NECTIN3: variants seen among roughly 807,000 people sequenced by gnomAD.
NECTIN3 encodes the protein nectin cell adhesion molecule 3, also known as nectin-3.
In NECTIN3, 8 loss-of-function variants were observed where a neutral mutation model predicts 49.4. The observed-to-expected ratio is 0.16, with a 90% CI of 0.10 to 0.29. The LOEUF is 0.29. Among genes scored for constraint, NECTIN3 ranks in the 10% least tolerant of loss-of-function variants. The probability of loss-of-function intolerance (pLI) is 1.00; values close to 1 mark genes in which losing one functional copy is unlikely to be tolerated. For missense variants in NECTIN3, 581 were observed against 654.6 expected (o/e 0.89, Z 1.23); for synonymous variants, 277 against 241.1 (o/e 1.15, Z -1.38).
chr3:111,186,410 C>A (rs1231751754), intron 7 of NECTIN3, among the ~76,000 whole-genome samples: 1 of 152,090 alleles, frequency 6.6e-6, no homozygotes, highest in Non-Finnish European at 1.5e-5. Flanking sequence ...AGCTGTACAG[C>A]TAACATCATC....
At chr3:111,122,812 G>C (rs192883041) in intron 4 of NECTIN3, among the ~76,000 whole-genome samples, 2 of 151,950 alleles carry the variant, frequency 1.3e-5, no homozygotes, top group African/African-American at 4.8e-5. Flanking sequence ...ATTTCAAACT[G>C]TTATACCAAG....
chr3:111,165,560 C>G (rs2035303224), intron 7 of NECTIN3, among the ~76,000 whole-genome samples: 1 of 152,188 alleles, frequency 6.6e-6, no homozygotes, highest in Non-Finnish European at 1.5e-5. Context: ...CTGCCCCATA[C>G]TGCCGGAGTA....
intron 6 of NECTIN3, among the ~76,000 whole-genome samples, chr3:111,145,407 T>A (rs2034849434): frequency 6.6e-6 from 1 of 152,318 alleles, no homozygotes; most frequent in East Asian, 1.9e-4. Context: ...CTTCTTCATA[T>A]TGTATATGCA....
Position 111,136,650 on chromosome 3 carries a change from G to GTC in NECTIN3, c.*2436_*2437insCT. The GTC allele has an allele frequency of 2.2e-6, 2 of 906,442 alleles. No homozygotes were observed. The highest frequency in any genetic ancestry group is 2.6e-6 in the Non-Finnish European group (2 of 758,624). 56.1% of individuals were successfully genotyped at this position (906,442 alleles called of 1,614,324 possible). A position where few individuals can be genotyped will look rare whatever the true frequency, so the allele number is the denominator to read the frequency against. On this transcript the variant is annotated 3_prime_UTR_variant, in exon 6 of 6. Transcript: ENST00000485303. ...AGTGATATTCATAACTACTTGACAG[G>GTC]TATATATGAAAATTCTACTATCGTG...
At chr3:111,165,193 G>A (rs915414528) in intron 7 of NECTIN3, among the ~76,000 whole-genome samples, 8 of 151,950 alleles carry the variant, frequency 5.3e-5, no homozygotes, top group Middle Eastern at 3.4e-3. Flanking sequence ...ACAGGTGCCC[G>A]CCACCATGCC....
chr3:111,100,820 ATTG>A (rs1479403947), intron 1 of NECTIN3, among the ~76,000 whole-genome samples: 4 of 151,994 alleles, frequency 2.6e-5, no homozygotes, highest in African/African-American at 9.7e-5. Context: ...AATCTGAATA[ATTG>A]TTATGAAAAC....
intron 4 of NECTIN3, 45 bp downstream of exon 4, chr3:111,122,283 C>G: frequency 7.3e-7 from 1 of 1,375,174 alleles, no homozygotes; most frequent in Non-Finnish European, 1.0e-6. Flanking sequence ...AAAGTGAAAC[C>G]TTCTTAAATC....
At chr3:111,139,146 G>C (rs1453157864), downstream of NECTIN3, among the ~76,000 whole-genome samples, 1 of 151,468 alleles carries the variant, frequency 6.6e-6, no homozygotes, top group East Asian at 1.9e-4. Context: ...TCAGTATATA[G>C]CTTTGAAAAA....
At position 111,071,883 on chromosome 3, in the gene NECTIN3, G is replaced by A. The variant is rs2030753632; in HGVS notation, c.-135G>A. ...GCCAGCGTTCGGCCAAGTGTCAGCCGGCAGCGACGGCGCTAGAGCTGGGAG... is the reference window on the plus strand; with the variant it reads ...GCCAGCGTTCGGCCAAGTGTCAGCCAGCAGCGACGGCGCTAGAGCTGGGAG... On this transcript the variant is annotated 5_prime_UTR_variant, in exon 1 of 6. Transcript: ENST00000485303. 2 of 508,196 alleles carry A rather than the reference G, an allele frequency of 3.9e-6. No homozygotes were observed. The highest frequency in any genetic ancestry group is 2.0e-5 in the African/African-American group (1 of 49,642). 31.5% of individuals were successfully genotyped at this position (508,196 alleles called of 1,614,324 possible).
At chr3:111,153,240 GC>G (rs1438667046) in intron 7 of NECTIN3, among the ~76,000 whole-genome samples, 1 of 151,868 alleles carries the variant, frequency 6.6e-6, no homozygotes, top group Non-Finnish European at 1.5e-5. Flanking sequence ...GAATTGTGGG[GC>G]TTTATTCTGC....
chr3:111,128,976 A>G (rs1234655237), intron 5 of NECTIN3, among the ~76,000 whole-genome samples: 2 of 152,202 alleles, frequency 1.3e-5, no homozygotes, highest in African/African-American at 2.4e-5. Context: ...CCAAATCCTT[A>G]CAATGACTTA....
At chr3:111,186,642 T>C (rs2035725177) in intron 7 of NECTIN3, among the ~76,000 whole-genome samples, 1 of 152,142 alleles carries the variant, frequency 6.6e-6, no homozygotes, top group Non-Finnish European at 1.5e-5. Flanking sequence ...AATTAACCTA[T>C]GTAACAAACC....
At chr3:111,168,494 A>C (rs747097040) in intron 7 of NECTIN3, among the ~76,000 whole-genome samples, 9 of 152,180 alleles carry the variant, frequency 5.9e-5, no homozygotes, top group Non-Finnish European at 1.0e-4. Flanking sequence ...ACACATATAT[A>C]TATAAATGTT....
chr3:111,123,012 G>A (rs6437948), intron 4 of NECTIN3, among the ~76,000 whole-genome samples: 107,128 of 151,376 alleles, frequency 0.71, 43,522 homozygotes, highest in Non-Finnish European at 0.93. Context: ...ATTCTTCCTA[G>A]AAGATTTTCT....
intron 4 of NECTIN3, among the ~76,000 whole-genome samples, chr3:111,123,956 A>T (rs2034058068): frequency 6.6e-6 from 1 of 152,082 alleles, no homozygotes; most frequent in South Asian, 2.1e-4. Flanking sequence ...GTGTGTTGAA[A>T]CATCTTGTCT....
chr3:111,112,003 A>C (rs2033488517), intron 1 of NECTIN3, 27 bp from the exon 2 acceptor site: 3 of 1,527,468 alleles, frequency 2.0e-6, no homozygotes, highest in Non-Finnish European at 1.8e-6. Flanking sequence ...TATTTTAAAA[A>C]TTGTAGTACT....
Position 111,135,701 on chromosome 3 carries a change from A to T in NECTIN3, c.*1486A>T, listed in dbSNP as rs940769887. On this transcript the variant is annotated 3_prime_UTR_variant, in exon 6 of 6. Coordinates refer to ENST00000485303, the MANE Select transcript of NECTIN3 (RefSeq NM_015480.3). Reference sequence around the variant, plus strand: ...AGTAGGTACTTTTTAAACCCTCCCAACCAGCCCTTTCTCAATATTCATCAA... The same window carrying T: ...AGTAGGTACTTTTTAAACCCTCCCATCCAGCCCTTTCTCAATATTCATCAA... 16 of 957,358 alleles carry T rather than the reference A, an allele frequency of 1.7e-5. No individual in the cohort carries two copies. Among genetic ancestry groups the T allele is most frequent in the Non-Finnish European group, 2.0e-5 (16 of 804,730 alleles). The allele number at this position is 957,358 out of a possible 1,614,324, so 59.3% of individuals were successfully genotyped here.
At chr3:111,190,463 G>A (rs574292194), upstream of NECTIN3, among the ~76,000 whole-genome samples, 14 of 152,264 alleles carry the variant, frequency 9.2e-5, no homozygotes, top group South Asian at 1.5e-3. Context: ...ACAAAACACC[G>A]TAAACTAGGT....
At position 111,131,512 on chromosome 3, in the gene NECTIN3, G is replaced by A. The variant is rs149366891; in HGVS notation, c.1070-2123G>A. On this transcript the variant is annotated intron_variant, in intron 5 of 5. Transcript: ENST00000485303. The stretch of plus-strand genomic sequence containing the variant: ...AAGTATTAAATGGCCTCTCTTTCAT[G>A]GAATGATATTACTAGTGAGGCTCAG... 3.9e-5 allele frequency among the ~76,000 whole-genome samples: 6 copies of A among 152,008 alleles called. No individual in the cohort carries two copies. In the East Asian group the frequency reaches 1.2e-3, roughly 29 times the overall value.
Sources: gnomAD v4.1 joint callset for allele counts (sites outside exome capture counted in the v4.1 genomes callset) on GRCh38, gnomAD v4.1.1 for gene constraint, MANE v1.5 for transcripts, NCBI Gene and HGNC (gene_info 2026-07-23, HGNC 2026-07-21) for gene names.